ABCB7: variants seen among roughly 807,000 people sequenced by gnomAD.
The protein encoded by ABCB7 is iron-sulfur clusters transporter ABCB7, mitochondrial.
Under a neutral mutation model 54.4 loss-of-function variants are expected in ABCB7, and 7 were observed. The observed-to-expected ratio is 0.13, with a 90% CI of 0.07 to 0.24. ABCB7 has a LOEUF of 0.24. Among genes scored for constraint, ABCB7 ranks in the 10% least tolerant of loss-of-function variants. The pLI is 1.00. For missense variants in ABCB7, 356 were observed against 570.4 expected (o/e 0.62, Z 3.83); for synonymous variants, 218 against 207.1 (o/e 1.05, Z -0.45).
chrX:75,120,139 C>A (rs2081862821), intron 1 of ABCB7, among the ~76,000 whole-genome samples: 1 of 111,970 alleles, frequency 8.9e-6, no homozygotes, highest in African/African-American at 3.2e-5. Flanking sequence ...TTTTATTTTT[C>A]AGAGTCCAGA....
At chrX:75,054,056 AG>A in intron 15 of ABCB7, among the ~76,000 whole-genome samples, 1 of 112,306 alleles carries the variant, frequency 8.9e-6, no homozygotes, top group Middle Eastern at 4.6e-3. Context: ...GAAAATGAAA[AG>A]TTTACTTCTT....
At chrX:75,061,570 C>T (rs1293790036) in intron 14 of ABCB7, among the ~76,000 whole-genome samples, 1 of 111,559 alleles carries the variant, frequency 9.0e-6, no homozygotes, top group African/African-American at 3.3e-5. Flanking sequence ...TATTATGTCA[C>T]ACAGCCTGCA....
intron 1 of ABCB7, among the ~76,000 whole-genome samples, chrX:75,115,795 G>C (rs998925700): frequency 1.0e-3 from 109 of 107,434 alleles, no homozygotes; most frequent in Non-Finnish European, 1.9e-3. Flanking sequence ...TTGGGGGGGG[G>C]GGCACGGGGC....
chrX:75,119,123 T>C (rs1299162187), intron 1 of ABCB7, among the ~76,000 whole-genome samples: 1 of 112,416 alleles, frequency 8.9e-6, no homozygotes. Context: ...GTCAGAAAAG[T>C]AAAAAGTGTA....
rs528089227 is a variant in ABCB7, at chrX:75,088,021, T to C, written c.453+10921A>G. ...AGGGGAAAAGTAGATCACACTGATATTTAATGAACAACCTCAATGTAACTA... is the reference window on the plus strand; with the variant it reads ...AGGGGAAAAGTAGATCACACTGATACTTAATGAACAACCTCAATGTAACTA... On this transcript the variant is annotated intron_variant, in intron 4 of 15. Transcript: ENST00000373394. Among the ~76,000 whole-genome samples the C allele has an allele frequency of 4.5e-5, 5 of 112,073 alleles. No individual in the cohort carries two copies. In the South Asian group the frequency reaches 1.9e-3, roughly 42 times the overall value.
chrX:75,066,812 ATCC>A (rs1342900528), intron 12 of ABCB7, among the ~76,000 whole-genome samples: 14 of 111,027 alleles, frequency 1.3e-4, no homozygotes, highest in Admixed American at 1.9e-4. Context: ...TTTGCTTGCT[ATCC>A]TCCTTTTTAA....
Position 75,062,310 on chromosome X carries a change from A to C in ABCB7, c.1935+18T>G. Reference sequence around the variant, plus strand: ...AAAGTTAAACATTGAAGAGCTTTATATTTTAATCATAACTTACCTCTTCAG... The same window carrying C: ...AAAGTTAAACATTGAAGAGCTTTATCTTTTAATCATAACTTACCTCTTCAG... On this transcript the variant is annotated intron_variant, in intron 14 of 15. Coordinates refer to ENST00000373394, the MANE Select transcript of ABCB7 (RefSeq NM_001271696.3). 1.7e-6 allele frequency: 2 copies of C among 1,172,214 alleles called. No homozygotes were observed. The highest frequency in any genetic ancestry group is 2.3e-6 in the Non-Finnish European group (2 of 860,217).
At chrX:75,054,827 T>C (rs2081223308) in intron 15 of ABCB7, among the ~76,000 whole-genome samples, 1 of 111,258 alleles carries the variant, frequency 9.0e-6, no homozygotes, top group South Asian at 3.8e-4. Context: ...TTTCCATTCA[T>C]TGTGGTGGGT....
intron 1 of ABCB7, among the ~76,000 whole-genome samples, chrX:75,151,407 C>T (rs1345933823): frequency 9.0e-6 from 1 of 111,386 alleles, no homozygotes; most frequent in African/African-American, 3.3e-5. Flanking sequence ...CAGATGATTT[C>T]GGAACCTAGC....
rs767013127 is a variant in ABCB7, at chrX:75,121,412, A to C, written c.169-6581T>G. On this transcript the variant is annotated intron_variant, in intron 1 of 15. Transcript: ENST00000373394. ...ATGATTTATCTTTAGTAAAAATCGGAGACTGGAGAGAAAAAAAAGTATGTT... is the reference window on the plus strand; with the variant it reads ...ATGATTTATCTTTAGTAAAAATCGGCGACTGGAGAGAAAAAAAAGTATGTT... 6.3e-5 allele frequency among the ~76,000 whole-genome samples: 7 copies of C among 111,556 alleles called. No homozygotes were observed. In the South Asian group the frequency reaches 2.6e-3, roughly 42 times the overall value.
chrX:75,121,236 C>T (rs1372422623), intron 1 of ABCB7, among the ~76,000 whole-genome samples: 1 of 106,917 alleles, frequency 9.4e-6, no homozygotes, highest in Non-Finnish European at 1.9e-5. Flanking sequence ...TTGCAATGAG[C>T]CAAGATCGTG....
chrX:75,062,468 G>A (rs1243926383), intron 13 of ABCB7, 37 bp from the exon 14 acceptor site: 1 of 1,022,332 alleles, frequency 9.8e-7, no homozygotes, highest in Admixed American at 2.2e-5. Flanking sequence ...GAAGCATAGT[G>A]CATGCATATT....
chrX:75,076,969 G>A (rs946640487), intron 4 of ABCB7, among the ~76,000 whole-genome samples: 3 of 111,727 alleles, frequency 2.7e-5, no homozygotes, highest in Non-Finnish European at 3.8e-5. Flanking sequence ...ATCCTACAAA[G>A]CTCATGACAC....
At chrX:75,099,259 T>C (rs1453255406) in intron 3 of ABCB7, among the ~76,000 whole-genome samples, 198 bp from the exon 4 acceptor site, 1 of 112,145 alleles carries the variant, frequency 8.9e-6, no homozygotes, top group Non-Finnish European at 1.9e-5. Flanking sequence ...AAAAAAGTTA[T>C]TCATTTCTCT....
intron 1 of ABCB7, among the ~76,000 whole-genome samples, chrX:75,129,605 T>C (rs753560917): frequency 9.4e-6 from 1 of 106,217 alleles, no homozygotes; most frequent in Non-Finnish European, 1.9e-5. Flanking sequence ...TAAATATATA[T>C]AATATATATA....
intron 1 of ABCB7, among the ~76,000 whole-genome samples, chrX:75,121,904 T>C (rs1040313930): frequency 5.4e-5 from 6 of 111,604 alleles, no homozygotes; most frequent in African/African-American, 2.0e-4. Flanking sequence ...CTACCCTGAA[T>C]ACAAGAGACC....
At chrX:75,054,183 A>G (rs1256227712) in intron 15 of ABCB7, among the ~76,000 whole-genome samples, 2 of 112,298 alleles carry the variant, frequency 1.8e-5, no homozygotes, top group Non-Finnish European at 3.8e-5. Context: ...ACGGTTAACC[A>G]TGCTGAGAGA....
At chrX:75,140,011 TAAAAG>T (rs990540580) in intron 1 of ABCB7, among the ~76,000 whole-genome samples, 12 of 111,490 alleles carry the variant, frequency 1.1e-4, no homozygotes, top group Admixed American at 6.7e-4. Context: ...CCAAAGTACA[TAAAAG>T]AAAATTTAAA....
intron 8 of ABCB7, among the ~76,000 whole-genome samples, chrX:75,072,944 T>G (rs2081376010): frequency 9.1e-6 from 1 of 110,474 alleles, no homozygotes; most frequent in African/African-American, 3.3e-5. Context: ...TTTTTTTACT[T>G]TTTAAACTTT....
Sources: gnomAD v4.1 joint callset for allele counts (sites outside exome capture counted in the v4.1 genomes callset) on GRCh38, gnomAD v4.1.1 for gene constraint, MANE v1.5 for transcripts, NCBI Gene and HGNC (gene_info 2026-07-23, HGNC 2026-07-21) for gene names.